The following MREG variants were observed in gnomAD, a reference collection of about 807,000 sequenced individuals.
The protein encoded by MREG is dilute suppressor protein homolog.
A neutral mutation model predicts 28.5 loss-of-function variants in MREG; 31 were observed. The ratio of observed to expected loss-of-function variants is 1.09; its 90% confidence interval spans 0.82 to 1.47. The LOEUF (loss-of-function observed/expected upper bound fraction) is 1.47, where lower values mean the gene tolerates loss of function less well. Ranked by LOEUF, MREG falls within the 40% of genes most tolerant of loss-of-function variation. MREG has a pLI of 0.00. For synonymous variants in MREG, 106 were observed against 95.2 expected (o/e 1.11, Z -0.66); for missense variants, 256 against 257.4 (o/e 0.99, Z 0.04).
chr2:215,972,895 C>T (rs973122523), intron 2 of MREG, among the ~76,000 whole-genome samples: 3 of 152,080 alleles, frequency 2.0e-5, no homozygotes, highest in African/African-American at 2.4e-5. Flanking sequence ...CCATTCACAC[C>T]CCTCACTGAA....
chr2:215,954,714 T>G (rs1207756703), intron 2 of MREG, among the ~76,000 whole-genome samples: 3 of 152,136 alleles, frequency 2.0e-5, no homozygotes, highest in Non-Finnish European at 4.4e-5. Flanking sequence ...TTATTTTTTT[T>G]TTTTTAGAGA....
At chr2:216,034,084 A>G (rs1343203524), upstream of MREG, 7 of 152,228 alleles carry the variant, frequency 4.6e-5, no homozygotes. Context: ...AAGAAACTAA[A>G]GCTCAAGTTG....
chr2:215,958,500 A>G (rs1185027901), intron 2 of MREG, among the ~76,000 whole-genome samples: 2 of 152,224 alleles, frequency 1.3e-5, no homozygotes, highest in African/African-American at 2.4e-5. Flanking sequence ...ACGTCTCTTC[A>G]TAGGGCAGCT....
At chr2:215,975,398 G>A (rs3770538) in intron 2 of MREG, among the ~76,000 whole-genome samples, 45,145 of 152,040 alleles carry the variant, frequency 0.3, 7,026 homozygotes, top group African/African-American at 0.37. Context: ...GGTGCCCACT[G>A]ACCATAGGCT....
rs574781683 is a variant in MREG at position 215,948,872 on chromosome 2, G to A, written c.256-1759C>T. ...ATACAAGTCCTTAAAATGGAGGTTG[G>A]TCCACATGCTCCTCCAAATCAGTGT... On this transcript the variant is annotated intron_variant, in intron 2 of 4. Coordinates refer to ENST00000263268, the MANE Select transcript of MREG (RefSeq NM_018000.3). Among the ~76,000 whole-genome samples, 5 of 152,106 alleles carry A rather than the reference G, an allele frequency of 3.3e-5. No individual in the cohort carries two copies. The South Asian group carries it at 1.0e-3, about 32-fold the overall frequency.
intron 1 of MREG, among the ~76,000 whole-genome samples, chr2:216,006,505 C>T (rs534036095): frequency 9.3e-4 from 142 of 152,194 alleles, no homozygotes; most frequent in Non-Finnish European, 1.7e-3. Flanking sequence ...AATCATTGTC[C>T]GGCCCCGGAG....
chr2:215,987,109 A>C (rs1455100666), intron 2 of MREG, among the ~76,000 whole-genome samples: 3 of 152,240 alleles, frequency 2.0e-5, no homozygotes, highest in Non-Finnish European at 4.4e-5. Context: ...CTGAAGCAAA[A>C]AAGTAAATCT....
chr2:216,031,013 T>A (rs12467676), intron 1 of MREG, among the ~76,000 whole-genome samples: 2 of 149,756 alleles, frequency 1.3e-5, no homozygotes, highest in African/African-American at 2.5e-5. Flanking sequence ...CTGCTCTCTC[T>A]CTCTCATTTG....
At chr2:216,013,088 G>A (rs529201489) in intron 1 of MREG, 145 bp downstream of exon 1, 3 of 650,780 alleles carry the variant, frequency 4.6e-6, no homozygotes, top group Admixed American at 3.0e-5. Context: ...CATCCCATAA[G>A]GAACCAAGGG....
intron 1 of MREG, among the ~76,000 whole-genome samples, chr2:216,024,890 AAAAAGGAAGGG>A (rs1348184049): frequency 3.4e-5 from 5 of 148,928 alleles, no homozygotes; most frequent in Admixed American, 6.7e-5. Flanking sequence ...CTCAAAAAAA[AAAAAGGAAGGG>A]AAAGGAAGGG....
At chr2:216,001,366 C>T (rs1252346316) in intron 1 of MREG, among the ~76,000 whole-genome samples, 1 of 152,202 alleles carries the variant, frequency 6.6e-6, no homozygotes, top group Non-Finnish European at 1.5e-5. Flanking sequence ...TGCCTAGCCA[C>T]TGATATTCAG....
intron 2 of MREG, among the ~76,000 whole-genome samples, chr2:215,952,072 T>C (rs927122237): frequency 1.3e-5 from 2 of 152,230 alleles, no homozygotes; most frequent in African/African-American, 4.8e-5. Context: ...TCTAGGTTCA[T>C]CCATGTCGTC....
At chr2:216,029,712 T>G (rs762420596) in intron 1 of MREG, among the ~76,000 whole-genome samples, 1 of 152,226 alleles carries the variant, frequency 6.6e-6, no homozygotes, top group Non-Finnish European at 1.5e-5. Flanking sequence ...ACTCCCAGCA[T>G]GGCTGAAAAT....
At chr2:215,970,437 T>C (rs1233369984) in intron 2 of MREG, among the ~76,000 whole-genome samples, 4 of 152,178 alleles carry the variant, frequency 2.6e-5, no homozygotes, top group Non-Finnish European at 2.9e-5. Flanking sequence ...ACCCACCAAA[T>C]GAATGTATTT....
chr2:215,965,737 C>T (rs1692921776), intron 2 of MREG, among the ~76,000 whole-genome samples: 1 of 152,036 alleles, frequency 6.6e-6, no homozygotes, highest in East Asian at 1.9e-4. Context: ...TTTACCTTTA[C>T]TCCCTAGGAG....
intron 2 of MREG, among the ~76,000 whole-genome samples, chr2:215,979,455 C>T (rs1275342867): frequency 7.2e-6 from 1 of 138,602 alleles, no homozygotes; most frequent in African/African-American, 2.9e-5. Context: ...AAGAGTGAAA[C>T]TCCATCTCAA....
At chr2:216,027,404 C>T (rs1302659359) in intron 1 of MREG, among the ~76,000 whole-genome samples, 1 of 152,148 alleles carries the variant, frequency 6.6e-6, no homozygotes, top group Non-Finnish European at 1.5e-5. Flanking sequence ...CTAAAAGCCA[C>T]AAGGTACCCA....
At chr2:215,994,385 G>A (rs1272596810) in intron 2 of MREG, among the ~76,000 whole-genome samples, 1 of 151,628 alleles carries the variant, frequency 6.6e-6, no homozygotes, top group Non-Finnish European at 1.5e-5. Flanking sequence ...ACACGGGGAG[G>A]GGAACGTCAC....
chr2:215,986,017 G>A (rs752105979), intron 2 of MREG, among the ~76,000 whole-genome samples: 7 of 151,952 alleles, frequency 4.6e-5, no homozygotes, highest in Non-Finnish European at 8.8e-5. Flanking sequence ...AACAATCCCC[G>A]TCTAGCTTCC....
Sources: allele counts gnomAD v4.1 joint callset (sites outside exome capture counted in the v4.1 genomes callset), GRCh38; gene constraint gnomAD v4.1.1; transcripts MANE v1.5; gene names NCBI Gene and HGNC (gene_info 2026-07-23, HGNC 2026-07-21).